The following ITGA10 variants were observed in gnomAD, a reference collection of about 807,000 sequenced individuals.
ITGA10 encodes integrin subunit alpha 10, also known as integrin alpha-10.
A neutral mutation model predicts 145.2 loss-of-function variants in ITGA10; 105 were observed. The observed-to-expected ratio is 0.72, with a 90% CI of 0.62 to 0.85. The LOEUF is 0.85. ITGA10 is among the 40% of genes least tolerant of loss of function. The probability of loss-of-function intolerance (pLI) is 0.00; values close to 1 mark genes in which losing one functional copy is unlikely to be tolerated. For missense variants in ITGA10, 1,317 were observed against 1,444.5 expected, an observed-to-expected ratio of 0.91 and a Z score of 1.43; for synonymous variants, 506 against 557.8, an observed-to-expected ratio of 0.91 and a Z score of 1.31.
Position 145,898,122 on chromosome 1 carries a change from A to T in ITGA10, c.2334T>A (p.Ser778=). 1 of 1,613,272 alleles carries T rather than the reference A, an allele frequency of 6.2e-7. No individual in the cohort carries two copies. The highest frequency in any genetic ancestry group is 1.3e-5 in the African/African-American group (1 of 75,006). The stretch of plus-strand genomic sequence containing the variant: ...TGGCACTGCTGACCAGCTTTTGTAT[A>T]GAGGTGGGTGAGCCCTCATTCAGCA... ...GPVLNEGSPT[S]IQKLVPFSKD... Residue 778 remains serine (S), a synonymous_variant, in exon 18 of 30, where the codon TCT becomes TCA. Coordinates refer to ENST00000369304, the MANE Select transcript of ITGA10 (RefSeq NM_003637.5).
In ITGA10 at chr1:145,902,012, G is replaced by T. The variant is rs200789108; in HGVS notation, c.1159C>A (p.Leu387Ile). The T allele has an allele frequency of 1.2e-6, 2 of 1,614,128 alleles. No homozygotes were observed. The highest frequency in any genetic ancestry group is 8.5e-7 in the Non-Finnish European group (1 of 1,180,016). Reference protein sequence around the residue: ...FSTHRLKDGILFGMVGAYDWG... With the variant: ...FSTHRLKDGIIFGMVGAYDWG... ...TCATAGGCCCCCACCATCCCAAAAAGAATCCCATCCTGTGGGACAGAAGCA... is the reference window on the plus strand; with the variant it reads ...TCATAGGCCCCCACCATCCCAAAAATAATCCCATCCTGTGGGACAGAAGCA... Residue 387 changes from leucine (L) to isoleucine (I), a missense_variant, in exon 11 of 30, where the codon CTT (leucine) becomes ATT (isoleucine). Leu to Ile is a conservative substitution (Grantham distance 5). Coordinates refer to ENST00000369304, the MANE Select transcript of ITGA10 (RefSeq NM_003637.5).
rs1479873398 is a variant in ITGA10 at position 145,902,143 on chromosome 1, G to A, written c.1149+103C>T. The A allele has an allele frequency of 2.6e-6, 4 of 1,564,798 alleles. No homozygotes were observed. The East Asian group carries it at 9.0e-5, about 35-fold the overall frequency. On this transcript the variant is annotated intron_variant, in intron 10 of 29. Coordinates refer to ENST00000369304, the MANE Select transcript of ITGA10 (RefSeq NM_003637.5). The stretch of plus-strand genomic sequence containing the variant: ...GGCTCAGTTGGAAAGGCATGGGAAG[G>A]TGAGCATGGAGGCTGGTTAAAGGAG...
At chr1:145,903,024 T>TACACACACACACACACACACACACACAC (rs55794832) in intron 7 of ITGA10, 63 bp from the exon 8 acceptor site, 9 of 379,328 alleles carry the variant, frequency 2.4e-5, no homozygotes, top group South Asian at 1.6e-4. Context: ...CACACACACA[T>TACACACACACACACACACACACACACAC]ACACACACAC....
At chr1:145,902,077 A>G in intron 10 of ITGA10, 56 bp from the exon 11 acceptor site, 1 of 1,605,886 alleles carries the variant, frequency 6.2e-7, no homozygotes, top group Non-Finnish European at 8.5e-7. Context: ...TAAAGAGAAA[A>G]AAAACGTTCC....
chr1:145,909,278 T>A (rs1657529745), intron 1 of ITGA10, among the ~76,000 whole-genome samples: 1 of 150,906 alleles, frequency 6.6e-6, no homozygotes, highest in Middle Eastern at 3.4e-3. Flanking sequence ...CCAGCTTGAA[T>A]GACAGAGTGA....
rs782257310 is a variant in ITGA10 at position 145,901,852 on chromosome 1, T to C, written c.1294+25A>G. 16 of 1,613,616 alleles carry C rather than the reference T, an allele frequency of 9.9e-6. No homozygotes were observed. The highest frequency in any genetic ancestry group is 4.4e-5 in the South Asian group (4 of 91,072). ...TGTATTTCCTCCCCTACCCTGTAAG[T>C]CCTCTGCAACTCTCTGCTGCTCACC... On this transcript the variant is annotated intron_variant, in intron 11 of 29. Transcript: ENST00000369304. This position sits in a 1 kb window ranked among gnomAD's most constrained non-coding sequence, Gnocchi z 4.3.
Position 145,897,570 on chromosome 1 carries a change from T to C in ITGA10, c.2516A>G (p.Asn839Ser), listed in dbSNP as rs1559194756. The part of the protein sequence containing the change: ...TLENRKENAY[N>S]TSLSLIFSRN... ...AGAGAAGATGAGACTCAGGCTCGTATTGTAAGCATTTTCCTTTCTGTTCTC... is the reference window on the plus strand; with the variant it reads ...AGAGAAGATGAGACTCAGGCTCGTACTGTAAGCATTTTCCTTTCTGTTCTC... Residue 839 changes from asparagine (N) to serine (S), a missense_variant, in exon 20 of 30, where the codon AAT becomes AGT. Physicochemically the swap from Asn to Ser is conservative, Grantham distance 46 (BLOSUM62 1). Transcript: ENST00000369304. The C allele has an allele frequency of 1.2e-6, 2 of 1,614,112 alleles. No individual in the cohort carries two copies. Among genetic ancestry groups the C allele is most frequent in the Middle Eastern group, 1.6e-4 (1 of 6,062 alleles).
chr1:145,898,836 G>A, intron 17 of ITGA10, 100 bp downstream of exon 17: 1 of 1,400,194 alleles, frequency 7.1e-7, no homozygotes, highest in South Asian at 1.4e-5. Flanking sequence ...CATTTTCCCG[G>A]CTTTGGCTTT....
chr1:145,894,710 C>T (rs782343717), intron 27 of ITGA10, among the ~76,000 whole-genome samples: 2 of 152,190 alleles, frequency 1.3e-5, no homozygotes, highest in Admixed American at 6.5e-5. Context: ...AGAGGCCTTT[C>T]GTAATCTAGA....
At chr1:145,903,064 CA>C in intron 7 of ITGA10, 103 bp from the exon 8 acceptor site, 1 of 956,632 alleles carries the variant, frequency 1.0e-6, no homozygotes, top group Non-Finnish European at 1.5e-6. Context: ...CACACACACA[CA>C]CAGGATTTAA....
At chr1:145,907,928 G>A (rs371047358) in intron 1 of ITGA10, among the ~76,000 whole-genome samples, 1 of 151,490 alleles carries the variant, frequency 6.6e-6, no homozygotes, top group African/African-American at 2.4e-5. Context: ...CTGCCACCTC[G>A]CCCGGCTAAT....
chr1:145,908,856 T>C (rs145683610), intron 1 of ITGA10, among the ~76,000 whole-genome samples: 40 of 152,274 alleles, frequency 2.6e-4, no homozygotes, highest in Non-Finnish European at 4.6e-4. Context: ...ACCACATAGT[T>C]AGTCAGTTAT....
intron 1 of ITGA10, among the ~76,000 whole-genome samples, chr1:145,909,268 C>G (rs1486379314): frequency 6.6e-6 from 1 of 151,332 alleles, no homozygotes; most frequent in Non-Finnish European, 1.5e-5. Flanking sequence ...CCACTGCACT[C>G]CAGCTTGAAT....
Position 145,893,575 on chromosome 1 carries a change from C to T in ITGA10, c.3289G>A (p.Val1097Ile). 16 of 1,613,158 alleles carry T rather than the reference C, an allele frequency of 9.9e-6. No homozygotes were observed. Among genetic ancestry groups the T allele is most frequent in the Non-Finnish European group, 1.4e-5 (16 of 1,179,636 alleles). Residue 1097 changes from valine to isoleucine, a missense_variant, in exon 28 of 30, where the codon GTC becomes ATC. Physicochemically the swap from Val to Ile is conservative, Grantham distance 29. Coordinates refer to ENST00000369304, the MANE Select transcript of ITGA10 (RefSeq NM_003637.5). Reference protein sequence around the residue: ...TFELGTEEGSVLQLTEASRWS... With the variant: ...TFELGTEEGSILQLTEASRWS... ...CGGGAGGCTTCAGTCAGCTGTAGGA[C>T]ACTGCCCTCTTCGGTTCCCAGCTCA...
In ITGA10 at chr1:145,901,403, C is replaced by A. The variant is rs1559203184; in HGVS notation, c.1443+113G>T. On this transcript the variant is annotated intron_variant, in intron 12 of 29. Coordinates refer to ENST00000369304, the MANE Select transcript of ITGA10 (RefSeq NM_003637.5). The surrounding 1 kb of genome is among the most constrained non-coding windows in gnomAD (Gnocchi z 4.3). ...TTACATCCCTGACAGACTCTGCCAA[C>A]CAGAATTCCGCACAGACTTTGGAGG... The A allele has an allele frequency of 6.7e-7, 1 of 1,490,364 alleles. No homozygotes were observed. 92.3% of individuals were successfully genotyped at this position (1,490,364 alleles called of 1,614,324 possible).
chr1:145,896,765 A>G lies in ITGA10; in HGVS notation c.2834+4T>C. 6.2e-7 allele frequency: 1 copy of G among 1,610,686 alleles called. No homozygotes were observed. Among genetic ancestry groups the G allele is most frequent in the South Asian group, 1.1e-5 (1 of 91,014 alleles). ...CTGGGTCCCACCCTAGAAGCTGGGC[A>G]TACCTAGAGAACAGGAGGTGGGGCT... On this transcript the variant is annotated splice_donor_region_variant and intron_variant, in intron 23 of 29. Coordinates refer to ENST00000369304, the MANE Select transcript of ITGA10 (RefSeq NM_003637.5).
intron 2 of ITGA10, 24 bp from the exon 3 acceptor site, chr1:145,907,174 G>A (rs138650869): frequency 9.0e-5 from 141 of 1,558,826 alleles, no homozygotes; most frequent in Non-Finnish European, 1.2e-4. Context: ...GTGAATGTAA[G>A]TAAGCACAGG....
chr1:145,901,783 G>C lies in ITGA10; in HGVS notation c.1294+94C>G. ...AGTAACCAGAGGTCAGTGAGAAACC[G>C]CATGAGTTAAGAGGGAGTATTTCAT... On this transcript the variant is annotated intron_variant, in intron 11 of 29. Coordinates refer to ENST00000369304, the MANE Select transcript of ITGA10 (RefSeq NM_003637.5). The surrounding 1 kb of genome is among the most constrained non-coding windows in gnomAD (Gnocchi z 4.3). The C allele has an allele frequency of 6.4e-7, 1 of 1,561,750 alleles. No homozygotes were observed. The highest frequency in any genetic ancestry group is 8.7e-7 in the Non-Finnish European group (1 of 1,148,100).
At chr1:145,895,417 C>A in intron 26 of ITGA10, 24 bp from the exon 27 acceptor site, 6 of 1,567,890 alleles carry the variant, frequency 3.8e-6, no homozygotes, top group Non-Finnish European at 5.3e-6. Context: ...CAGAGAGAGA[C>A]AGATCAGGAC....
Sources: allele counts gnomAD v4.1 joint callset (sites outside exome capture counted in the v4.1 genomes callset), GRCh38; gene constraint gnomAD v4.1.1; non-coding constraint Gnocchi (gnomAD v3.1); transcripts MANE v1.5; gene names NCBI Gene and HGNC (gene_info 2026-07-23, HGNC 2026-07-21).